CNTNAP4: variants seen among roughly 807,000 people sequenced by gnomAD.
CNTNAP4 encodes the protein contactin-associated protein-like 4.
A neutral mutation model predicts 148.4 loss-of-function variants in CNTNAP4; 98 were observed. The ratio of observed to expected loss-of-function variants is 0.66; its 90% CI spans 0.56 to 0.78. The LOEUF is 0.78. Among genes scored for constraint, CNTNAP4 ranks in the 30% least tolerant of loss-of-function variants. The pLI, the probability that CNTNAP4 is intolerant of heterozygous loss-of-function variation, is 0.00. For missense variants in CNTNAP4, 1,935 were observed against 1,565.6 expected, an observed-to-expected ratio of 1.24 and a Z score of -3.98; for synonymous variants, 730 against 565.1, an observed-to-expected ratio of 1.29 and a Z score of -4.14.
At chr16:76,453,437 G>A (rs987982112) in intron 8 of CNTNAP4, among the ~76,000 whole-genome samples, 5 of 152,152 alleles carry the variant, frequency 3.3e-5, no homozygotes, top group South Asian at 2.1e-4. Flanking sequence ...AGGCCAGTGC[G>A]TTGAGTGAGG....
chr16:76,425,006 T>G (rs902428495), intron 3 of CNTNAP4, among the ~76,000 whole-genome samples: 2 of 152,132 alleles, frequency 1.3e-5, no homozygotes, highest in African/African-American at 4.8e-5. Flanking sequence ...GAATAAGATT[T>G]GGTTAGTGCA....
chr16:76,485,344 C>T (rs947866591), intron 12 of CNTNAP4, among the ~76,000 whole-genome samples: 17 of 152,160 alleles, frequency 1.1e-4, no homozygotes, highest in African/African-American at 2.4e-4. Flanking sequence ...CTCGAACTCC[C>T]GACCTTAGGT....
intron 3 of CNTNAP4, among the ~76,000 whole-genome samples, chr16:76,362,830 CTG>C (rs2013601953): frequency 1.3e-5 from 2 of 152,144 alleles, no homozygotes; most frequent in Admixed American, 6.5e-5. Flanking sequence ...ACAAAATAAT[CTG>C]TACATAAAAC....
At chr16:76,308,694 A>T (rs1960763322) in intron 1 of CNTNAP4, among the ~76,000 whole-genome samples, 1 of 152,232 alleles carries the variant, frequency 6.6e-6, no homozygotes, top group Non-Finnish European at 1.5e-5. Context: ...TGGCTGTGGG[A>T]CACAATCATG....
intron 15 of CNTNAP4, among the ~76,000 whole-genome samples, chr16:76,517,032 C>A (rs1239109813): frequency 1.3e-5 from 2 of 152,182 alleles, no homozygotes; most frequent in African/African-American, 4.8e-5. Context: ...CATTGCTTTC[C>A]ATCCTGGGTG....
intron 3 of CNTNAP4, among the ~76,000 whole-genome samples, chr16:76,367,816 G>T (rs957904114): frequency 6.6e-6 from 1 of 152,142 alleles, no homozygotes; most frequent in Non-Finnish European, 1.5e-5. Context: ...AGCTCCAGGG[G>T]TCCTTCAGCT....
chr16:76,361,010 A>T (rs1204666769), intron 3 of CNTNAP4, among the ~76,000 whole-genome samples: 1 of 151,122 alleles, frequency 6.6e-6, no homozygotes. Flanking sequence ...TTTTTGGTAG[A>T]TACGGGGTTT....
At chr16:76,408,078 T>G (rs1290522645) in intron 3 of CNTNAP4, among the ~76,000 whole-genome samples, 1 of 152,100 alleles carries the variant, frequency 6.6e-6, no homozygotes, top group Non-Finnish European at 1.5e-5. Context: ...AGCAATCAAG[T>G]ATTTTAAAAT....
intron 2 of CNTNAP4, among the ~76,000 whole-genome samples, chr16:76,333,779 GTTTTTTTTTTTTTTTT>G (rs549878036): frequency 4.4e-5 from 2 of 45,606 alleles, no homozygotes; most frequent in African/African-American, 1.5e-4. Context: ...TGGGTTATAG[GTTTTTTTTTTTTTTTT>G]TTTTTTTTTG....
At chr16:76,513,367 A>C (rs7190810) in intron 15 of CNTNAP4, among the ~76,000 whole-genome samples, 1 of 151,932 alleles carries the variant, frequency 6.6e-6, no homozygotes. Context: ...GAAGGCATGA[A>C]GGAAATATAG....
intron 10 of CNTNAP4, among the ~76,000 whole-genome samples, chr16:76,469,027 G>A (rs1229056593): frequency 1.3e-5 from 2 of 152,068 alleles, no homozygotes; most frequent in African/African-American, 2.4e-5. Context: ...AAGACATTTT[G>A]TCAACAAAAA....
chr16:76,362,353 A>G (rs2013542459), intron 3 of CNTNAP4, among the ~76,000 whole-genome samples: 1 of 152,210 alleles, frequency 6.6e-6, no homozygotes, highest in Non-Finnish European at 1.5e-5. Flanking sequence ...ATTCAATGCA[A>G]TCCCTATCAA....
chr16:76,424,699 C>T (rs1247988881), intron 3 of CNTNAP4, among the ~76,000 whole-genome samples: 1 of 151,888 alleles, frequency 6.6e-6, no homozygotes, highest in African/African-American at 2.4e-5. Flanking sequence ...GTGGAGGTTG[C>T]GGTGAGCTGA....
rs140231759 is a variant in CNTNAP4, at chr16:76,344,219, C to G, written c.197-11099C>G. 5.4e-3 allele frequency among the ~76,000 whole-genome samples: 812 copies of G among 151,476 alleles called. 5 individuals carry two copies. Among genetic ancestry groups the G allele is most frequent in the African/African-American group, 0.019 (769 of 41,032 alleles). The stretch of plus-strand genomic sequence containing the variant: ...ACACACATATATATATATATATTTG[C>G]TTATGTCTGTCCAGTTTGTAGAAAA... On this transcript the variant is annotated intron_variant, in intron 2 of 23. Transcript: ENST00000611870.
chr16:76,545,755 C>G (rs890612429), intron 21 of CNTNAP4, among the ~76,000 whole-genome samples: 1 of 152,106 alleles, frequency 6.6e-6, no homozygotes, highest in Non-Finnish European at 1.5e-5. Context: ...AAAAGGTACC[C>G]AGCCAGGCAC....
intron 1 of CNTNAP4, among the ~76,000 whole-genome samples, chr16:76,301,041 A>G (rs1434215883): frequency 6.6e-6 from 1 of 152,054 alleles, no homozygotes; most frequent in Admixed American, 6.6e-5. Flanking sequence ...TTTTATAGGA[A>G]CTAACATGGA....
chr16:76,322,002 G>A (rs1324766961), intron 2 of CNTNAP4, among the ~76,000 whole-genome samples: 1 of 152,094 alleles, frequency 6.6e-6, no homozygotes, highest in Non-Finnish European at 1.5e-5. Flanking sequence ...GGCTGGGGCA[G>A]GTGAACTTCA....
intron 5 of CNTNAP4, 100 bp from the exon 6 acceptor site, chr16:76,448,667 A>G: frequency 1.2e-6 from 1 of 813,112 alleles, no homozygotes; most frequent in South Asian, 2.0e-5. Context: ...GTAGAAGGAG[A>G]TTGCAATTAT....
At chr16:76,549,074 G>A (rs993473444) in intron 21 of CNTNAP4, among the ~76,000 whole-genome samples, 1 of 152,042 alleles carries the variant, frequency 6.6e-6, no homozygotes, top group Non-Finnish European at 1.5e-5. Flanking sequence ...ACAGGCAGGG[G>A]GATCCTGGAG....
Sources: allele counts gnomAD v4.1 joint callset (sites outside exome capture counted in the v4.1 genomes callset), GRCh38; gene constraint gnomAD v4.1.1; transcripts MANE v1.5; gene names NCBI Gene and HGNC (gene_info 2026-07-23, HGNC 2026-07-21).